EYS: variants seen among roughly 807,000 people sequenced by gnomAD.
EYS encodes the protein protein eyes shut homolog.
A neutral mutation model predicts 282.1 loss-of-function variants in EYS; 250 were observed. The observed-to-expected ratio is 0.89, with a 90% CI of 0.80 to 0.98. EYS has a LOEUF of 0.98. EYS is among the 50% of genes least tolerant of loss of function. EYS has a pLI of 0.00. For missense variants in EYS, 4,016 were observed against 3,709.0 expected, an observed-to-expected ratio of 1.08 and a Z score of -2.15; for synonymous variants, 1,355 against 1,282.9, an observed-to-expected ratio of 1.06 and a Z score of -1.20.
chr6:63,963,626 G>A (rs1036467655), intron 35 of EYS, among the ~76,000 whole-genome samples: 1 of 152,170 alleles, frequency 6.6e-6, no homozygotes, highest in African/African-American at 2.4e-5. Flanking sequence ...CTGGCACCAA[G>A]CTTGTCACAG....
chr6:65,428,313 G>A (rs1387757502), intron 5 of EYS, among the ~76,000 whole-genome samples: 1 of 152,134 alleles, frequency 6.6e-6, no homozygotes, highest in East Asian at 1.9e-4. Flanking sequence ...GTTAAAAAGT[G>A]AATATATACA....
chr6:63,842,710 G>A (rs1041333579), intron 36 of EYS, among the ~76,000 whole-genome samples: 1 of 152,070 alleles, frequency 6.6e-6, no homozygotes, highest in South Asian at 2.1e-4. Context: ...GGTATGCCTA[G>A]GTTTTCTTCT....
chr6:63,793,144 T>A (rs114138781), intron 37 of EYS, among the ~76,000 whole-genome samples: 1,650 of 152,264 alleles, frequency 0.011, 14 homozygotes, highest in Non-Finnish European at 0.016. Flanking sequence ...GGAGTGGTGG[T>A]CTAAGAAACA....
chr6:65,006,171 C>T (rs945544765), intron 13 of EYS, among the ~76,000 whole-genome samples: 9 of 151,456 alleles, frequency 5.9e-5, no homozygotes, highest in African/African-American at 2.2e-4. Context: ...GTGCCAGGGC[C>T]CCAAGTTTGT....
At chr6:64,483,392 T>C (rs149650100) in intron 26 of EYS, among the ~76,000 whole-genome samples, 48 of 151,742 alleles carry the variant, frequency 3.2e-4, no homozygotes, top group African/African-American at 1.1e-3. Context: ...ACGTTGGAGG[T>C]GCTGAAGAAT....
intron 12 of EYS, among the ~76,000 whole-genome samples, chr6:65,233,902 C>T (rs1766854094): frequency 6.6e-6 from 1 of 152,094 alleles, no homozygotes; most frequent in African/African-American, 2.4e-5. Context: ...TTGACCTGCT[C>T]AGATTGCTCC....
chr6:65,160,848 TTTTCCCCC>T, intron 12 of EYS, among the ~76,000 whole-genome samples: 1 of 138,876 alleles, frequency 7.2e-6, no homozygotes, highest in Non-Finnish European at 1.6e-5. Context: ...ATTTATTATA[TTTTCCCCC>T]AAAACTACCT....
At chr6:65,382,666 C>T (rs369963899) in intron 8 of EYS, among the ~76,000 whole-genome samples, 1 of 152,008 alleles carries the variant, frequency 6.6e-6, no homozygotes, top group East Asian at 1.9e-4. Context: ...GCAAGGAAGC[C>T]AGTCTGAGTC....
Position 64,412,038 on chromosome 6 carries a change from A to G in EYS, c.5928-23198T>C, listed in dbSNP as rs1011699450. On this transcript the variant is annotated intron_variant, in intron 28 of 42. Transcript: ENST00000503581. ...ATGAATTCAAGAGGAATGAATTGAT[A>G]TCCAAATATAGCCTAGAAATTTAAT... 9.3e-5 allele frequency among the ~76,000 whole-genome samples: 10 copies of G among 107,082 alleles called. No individual in the cohort carries two copies. The Admixed American group carries it at 9.7e-4, about 10-fold the overall frequency. The allele number at this position is 107,082 out of a possible 152,430, so 70.2% of individuals were successfully genotyped here.
chr6:64,151,787 A>G (rs1240466231), intron 31 of EYS, among the ~76,000 whole-genome samples: 2 of 152,160 alleles, frequency 1.3e-5, no homozygotes, highest in Non-Finnish European at 2.9e-5. Flanking sequence ...TTTGGAGGTG[A>G]CTCTGGAGAA....
chr6:64,334,135 T>TTATAG (rs1447928472), intron 29 of EYS, among the ~76,000 whole-genome samples: 3 of 152,152 alleles, frequency 2.0e-5, no homozygotes, highest in African/African-American at 7.2e-5. Context: ...TATAGACAAT[T>TTATAG]CCTCTGTGTC....
At chr6:65,115,810 T>C (rs1775353848) in intron 12 of EYS, among the ~76,000 whole-genome samples, 1 of 152,118 alleles carries the variant, frequency 6.6e-6, no homozygotes, top group African/African-American at 2.4e-5. Context: ...AATTAAGATG[T>C]ACAGAGTTTA....
chr6:64,777,381 G>T (rs1221007755), intron 22 of EYS, among the ~76,000 whole-genome samples: 3 of 152,062 alleles, frequency 2.0e-5, no homozygotes, highest in African/African-American at 7.2e-5. Flanking sequence ...CTGTTGGAGT[G>T]TTGAATCCAA....
chr6:64,694,272 G>A (rs1375426503), intron 22 of EYS, among the ~76,000 whole-genome samples: 1 of 152,112 alleles, frequency 6.6e-6, no homozygotes, highest in Admixed American at 6.6e-5. Flanking sequence ...GGAACATGGG[G>A]TCACAACATA....
chr6:65,057,608 C>CA lies in EYS; in HGVS notation c.2137+5dup. ...TTGCTTTTCCTTATCCCTTGGTGTTCATTACCTTTAAATGGAGGCACACAC... is the reference window on the plus strand; with the variant it reads ...TTGCTTTTCCTTATCCCTTGGTGTTCAATTACCTTTAAATGGAGGCACACAC... On this transcript the variant is annotated splice_donor_region_variant and intron_variant, in intron 13 of 42. Transcript: ENST00000503581. 2 of 1,511,222 alleles carry CA rather than the reference C, an allele frequency of 1.3e-6. No homozygotes were observed. The highest frequency in any genetic ancestry group is 1.8e-6 in the Non-Finnish European group (2 of 1,110,330). The allele number at this position is 1,511,222 out of a possible 1,614,324, so 93.6% of individuals were successfully genotyped here. A position where few individuals can be genotyped will look rare whatever the true frequency, so the allele number is the denominator to read the frequency against.
chr6:64,850,523 C>G (rs2150041368), intron 19 of EYS, among the ~76,000 whole-genome samples: 1 of 152,008 alleles, frequency 6.6e-6, no homozygotes, highest in East Asian at 1.9e-4. Context: ...CAGAAATAAG[C>G]ATAGGCATAT....
At chr6:65,591,788 A>G (rs1765243829) in intron 2 of EYS, among the ~76,000 whole-genome samples, 1 of 151,690 alleles carries the variant, frequency 6.6e-6, no homozygotes, top group Non-Finnish European at 1.5e-5. Context: ...GGACTTATAT[A>G]CTCTCTCATA....
In EYS at chr6:64,481,500, A is replaced by G. The variant is rs1178922878; in HGVS notation, c.5645-42148T>C. ...AATTTCTCTGAAATTCAAAGCAAAAAAAATTATTTTTGTTTTCTCACACAC... is the reference window on the plus strand; with the variant it reads ...AATTTCTCTGAAATTCAAAGCAAAAGAAATTATTTTTGTTTTCTCACACAC... On this transcript the variant is annotated intron_variant, in intron 26 of 42. Transcript: ENST00000503581. 2.8e-5 allele frequency among the ~76,000 whole-genome samples: 4 copies of G among 145,096 alleles called. No homozygotes were observed. The South Asian group carries it at 8.7e-4, about 32-fold the overall frequency.
chr6:64,054,650 TC>T (rs1215330816), intron 33 of EYS, among the ~76,000 whole-genome samples: 2 of 152,170 alleles, frequency 1.3e-5, no homozygotes, highest in Non-Finnish European at 2.9e-5. Context: ...ATATAAGGGC[TC>T]TAGAGTAAAA....
Sources: allele counts gnomAD v4.1 joint callset (sites outside exome capture counted in the v4.1 genomes callset), GRCh38; gene constraint gnomAD v4.1.1; transcripts MANE v1.5; gene names NCBI Gene and HGNC (gene_info 2026-07-23, HGNC 2026-07-21).